CD96: variants seen among roughly 807,000 people sequenced by gnomAD.
CD96 encodes CD96 molecule, also known as T-cell surface protein tactile.
In CD96, 70 loss-of-function variants were observed where a neutral mutation model predicts 71.3. The observed-to-expected ratio is 0.98, with a 90% CI of 0.81 to 1.20. The LOEUF (loss-of-function observed/expected upper bound fraction) is 1.20, where lower values mean the gene tolerates loss of function less well. CD96 is among the 50% of genes most tolerant of loss of function. The probability of loss-of-function intolerance (pLI) is 0.00; values close to 1 mark genes in which losing one functional copy is unlikely to be tolerated. For synonymous variants in CD96, 248 were observed against 233.0 expected, an observed-to-expected ratio of 1.06 and a Z score of -0.59; for missense variants, 742 against 677.5, an observed-to-expected ratio of 1.10 and a Z score of -1.06.
chr3:111,580,575 A>AT (rs1468800773), intron 4 of CD96, among the ~76,000 whole-genome samples: 1 of 152,232 alleles, frequency 6.6e-6, no homozygotes, highest in African/African-American at 2.4e-5. Flanking sequence ...GCAAAAAAAA[A>AT]TTATTTGGAA....
chr3:111,615,971 T>C (rs1292986203), intron 8 of CD96, among the ~76,000 whole-genome samples: 1 of 152,160 alleles, frequency 6.6e-6, no homozygotes, highest in Non-Finnish European at 1.5e-5. Context: ...AATATCTACA[T>C]GGATCACACC....
intron 8 of CD96, 143 bp from the exon 9 acceptor site, chr3:111,623,611 C>T (rs914804239): frequency 1.3e-5 from 9 of 668,448 alleles, no homozygotes; most frequent in East Asian, 2.8e-5. Flanking sequence ...CTTTTGGATT[C>T]GGTTTCATCA....
chr3:111,600,606 C>T, intron 6 of CD96, 120 bp from the exon 7 acceptor site: 1 of 736,232 alleles, frequency 1.4e-6, no homozygotes, highest in Non-Finnish European at 2.4e-6. Flanking sequence ...TGCAGAGAAG[C>T]TGCCATTTGA....
intron 14 of CD96, among the ~76,000 whole-genome samples, chr3:111,661,408 T>G (rs1336112873): frequency 6.6e-6 from 1 of 152,218 alleles, no homozygotes; most frequent in Non-Finnish European, 1.5e-5. Flanking sequence ...TTCCTAGCAG[T>G]CCCCAAAAGT....
intron 5 of CD96, among the ~76,000 whole-genome samples, chr3:111,586,316 C>T (rs370049382): frequency 1.5e-3 from 231 of 152,240 alleles, no homozygotes; most frequent in African/African-American, 5.1e-3. Flanking sequence ...AGTTTCTTCT[C>T]GCACCAATAA....
intron 12 of CD96, among the ~76,000 whole-genome samples, chr3:111,642,527 G>T (rs543281188): frequency 9.2e-5 from 14 of 152,296 alleles, no homozygotes; most frequent in African/African-American, 3.4e-4. Context: ...AGGGCTGAGC[G>T]CAGTGGCTCA....
intron 12 of CD96, among the ~76,000 whole-genome samples, chr3:111,645,788 C>T (rs976936393): frequency 6.6e-6 from 1 of 152,096 alleles, no homozygotes; most frequent in Non-Finnish European, 1.5e-5. Context: ...AGGGAACCCT[C>T]AGTTTCTACT....
At chr3:111,639,354 G>A (rs368927880) in intron 12 of CD96, among the ~76,000 whole-genome samples, 12 of 151,460 alleles carry the variant, frequency 7.9e-5, no homozygotes, top group East Asian at 3.9e-4. Flanking sequence ...TGTGACTGCC[G>A]GCTTTCCCCC....
intron 5 of CD96, chr3:111,593,456 AC>A (rs778354829): frequency 8.2e-5 from 119 of 1,456,524 alleles, no homozygotes; most frequent in Non-Finnish European, 1.0e-4. Context: ...TCACCAAACT[AC>A]TTTGCTTTAC....
At chr3:111,645,746 T>A (rs1939799712) in intron 12 of CD96, among the ~76,000 whole-genome samples, 1 of 152,122 alleles carries the variant, frequency 6.6e-6, no homozygotes, top group African/African-American at 2.4e-5. Flanking sequence ...ATGTGTCACA[T>A]AATTATGTAT....
At chr3:111,591,648 C>T (rs1044916653) in intron 5 of CD96, among the ~76,000 whole-genome samples, 3 of 152,170 alleles carry the variant, frequency 2.0e-5, no homozygotes, top group African/African-American at 4.8e-5. Context: ...AAATGTCCAG[C>T]CGTCGTCACT....
intron 5 of CD96, chr3:111,594,076 C>T: frequency 6.2e-7 from 1 of 1,614,158 alleles, no homozygotes; most frequent in Non-Finnish European, 8.5e-7. Context: ...TTGGAGTGGG[C>T]ATAGCACTCA....
chr3:111,561,798 C>G (rs1242516458), intron 2 of CD96, among the ~76,000 whole-genome samples: 6 of 150,522 alleles, frequency 4.0e-5, no homozygotes, highest in South Asian at 2.1e-4. Flanking sequence ...GCGGGCGCCC[C>G]TCCCCCAGCC....
chr3:111,626,162 G>A (rs778262044), intron 10 of CD96, among the ~76,000 whole-genome samples: 67 of 151,878 alleles, frequency 4.4e-4, no homozygotes, highest in Admixed American at 5.9e-4. Flanking sequence ...TTAGCCAGGC[G>A]TGGTGGTGGG....
chr3:111,654,352 G>C (rs183034616), downstream of CD96, among the ~76,000 whole-genome samples: 8 of 152,284 alleles, frequency 5.3e-5, no homozygotes, highest in African/African-American at 1.4e-4. Flanking sequence ...AGCCAGGAAG[G>C]CATGACCAGA....
At chr3:111,652,485 T>A (rs140900444), downstream of CD96, 9 of 152,218 alleles carry the variant, frequency 5.9e-5, no homozygotes, top group East Asian at 1.7e-3. Context: ...GGTATTTGGA[T>A]TGTTTCACTA....
intron 8 of CD96, among the ~76,000 whole-genome samples, chr3:111,609,971 C>A (rs1937827857): frequency 1.3e-5 from 2 of 152,146 alleles, no homozygotes; most frequent in African/African-American, 4.8e-5. Context: ...AAACATTGTA[C>A]AACACAGCCC....
intron 12 of CD96, among the ~76,000 whole-genome samples, chr3:111,646,180 G>T (rs991438249): frequency 6.6e-6 from 1 of 151,958 alleles, no homozygotes; most frequent in Non-Finnish European, 1.5e-5. Flanking sequence ...AATTTCACTG[G>T]AGTATCATTA....
At chr3:111,598,067 A>T in intron 5 of CD96, 53 bp from the exon 6 acceptor site, 1 of 808,844 alleles carries the variant, frequency 1.2e-6, no homozygotes, top group South Asian at 1.3e-5. Flanking sequence ...AGTTGTAAGG[A>T]GTACCAGTTT....
Sources: allele counts gnomAD v4.1 joint callset (sites outside exome capture counted in the v4.1 genomes callset), GRCh38; gene constraint gnomAD v4.1.1; transcripts MANE v1.5; gene names NCBI Gene and HGNC (gene_info 2026-07-23, HGNC 2026-07-21).